Variants in LGR4 observed in about 807,000 individuals in gnomAD.
The protein encoded by LGR4 is leucine rich repeat containing G protein-coupled receptor 4, also known as leucine-rich repeat-containing G protein-coupled receptor 4.
LGR4 carries 44 observed loss-of-function variants against 84.8 expected under a neutral mutation model. The observed-to-expected ratio is 0.52, with a 90% CI of 0.41 to 0.67. The LOEUF (loss-of-function observed/expected upper bound fraction) is 0.67, where lower values mean the gene tolerates loss of function less well. LGR4 is among the 30% of genes least tolerant of loss of function. The pLI is 0.00. For missense variants in LGR4, 1,032 were observed against 1,131.4 expected (o/e 0.91, Z 1.26); for synonymous variants, 429 against 434.3 (o/e 0.99, Z 0.15).
At chr11:27,455,989 A>G (rs1339074418) in intron 1 of LGR4, among the ~76,000 whole-genome samples, 1 of 152,212 alleles carries the variant, frequency 6.6e-6, no homozygotes, top group Non-Finnish European at 1.5e-5. Flanking sequence ...CATTATTATG[A>G]GCATCTAAGT....
In LGR4 at chr11:27,366,942, T is replaced by A. The variant is rs1862775136; in HGVS notation, c.*925A>T. 6.6e-6 allele frequency: 1 copy of A among 152,186 alleles called. No individual in the cohort carries two copies. 9.4% of individuals were successfully genotyped at this position (152,186 alleles called of 1,614,324 possible). A position where few individuals can be genotyped will look rare whatever the true frequency, so the allele number is the denominator to read the frequency against. ...ATGCAAGTATTGACCACAGTTTACT[T>A]TCTATATAATCCAAGCTATTGCTAG... On this transcript the variant is annotated 3_prime_UTR_variant, in exon 18 of 18. Coordinates refer to ENST00000379214, the MANE Select transcript of LGR4 (RefSeq NM_018490.5).
intron 17 of LGR4, 150 bp from the exon 18 acceptor site, chr11:27,369,293 A>G: frequency 1.9e-6 from 1 of 520,458 alleles, no homozygotes; most frequent in Non-Finnish European, 3.1e-6. Flanking sequence ...TAGTTCTAAG[A>G]TATTTTGGTC....
chr11:27,398,106 T>G (rs981195416), intron 2 of LGR4, among the ~76,000 whole-genome samples: 2 of 152,194 alleles, frequency 1.3e-5, no homozygotes, highest in African/African-American at 4.8e-5. Context: ...GGGAAAGCTT[T>G]TTGGAAAGCA....
chr11:27,472,781 T>G lies in LGR4; in HGVS notation c.-479A>C, dbSNP rs1040269639. 9.2e-6 allele frequency: 3 copies of G among 326,298 alleles called. No homozygotes were observed. The highest frequency in any genetic ancestry group is 9.8e-5 in the Admixed American group (2 of 20,370). The allele number at this position is 326,298 out of a possible 1,614,324, so 20.2% of individuals were successfully genotyped here. On this transcript the variant is annotated 5_prime_UTR_variant, in exon 1 of 18. Coordinates refer to ENST00000379214, the MANE Select transcript of LGR4 (RefSeq NM_018490.5). The stretch of plus-strand genomic sequence containing the variant: ...TTCCCGTCCTTTTCCCTTCTAGGGT[T>G]GCACGCTCTGGTTCCCAAACCCCCG...
intron 1 of LGR4, among the ~76,000 whole-genome samples, chr11:27,442,436 T>A (rs1864319291): frequency 6.6e-6 from 1 of 152,198 alleles, no homozygotes; most frequent in Non-Finnish European, 1.5e-5. Flanking sequence ...CGCAAAACTT[T>A]ATTTTGTTTT....
intron 1 of LGR4, among the ~76,000 whole-genome samples, chr11:27,459,066 A>C (rs1441182906): frequency 6.6e-6 from 1 of 152,228 alleles, no homozygotes; most frequent in East Asian, 1.9e-4. Flanking sequence ...TACAAAAGGA[A>C]TCAGTTTTAT....
At chr11:27,471,922 A>C (rs1486132574) in intron 1 of LGR4, 196 bp downstream of exon 1, 2 of 363,026 alleles carry the variant, frequency 5.5e-6, no homozygotes, top group Non-Finnish European at 9.7e-6. Flanking sequence ...AACCCGGACT[A>C]GCAAAGTGCG....
intron 2 of LGR4, among the ~76,000 whole-genome samples, chr11:27,409,498 A>C (rs746147977): frequency 6.6e-6 from 1 of 152,220 alleles, no homozygotes; most frequent in Middle Eastern, 3.4e-3. Flanking sequence ...TCCCAAATAG[A>C]TCAGCTCTCT....
intron 1 of LGR4, 26 bp downstream of exon 1, chr11:27,472,092 C>A (rs779520898): frequency 4.1e-5 from 50 of 1,216,476 alleles, no homozygotes; most frequent in Middle Eastern, 3.1e-4. Context: ...CTCCCCCCCC[C>A]TCGCGTCCCC....
chr11:27,435,347 C>T (rs779230454), intron 1 of LGR4, among the ~76,000 whole-genome samples: 1 of 150,952 alleles, frequency 6.6e-6, no homozygotes, highest in Non-Finnish European at 1.5e-5. Flanking sequence ...AACAAACAAA[C>T]AAACAACAAC....
chr11:27,379,623 CCTAGCTG>C (rs1473030169), intron 10 of LGR4, among the ~76,000 whole-genome samples: 3 of 152,062 alleles, frequency 2.0e-5, no homozygotes, highest in Non-Finnish European at 4.4e-5. Context: ...GGCTAGAGGT[CCTAGCTG>C]CCTCAGGCCC....
intron 2 of LGR4, 138 bp from the exon 3 acceptor site, chr11:27,392,656 T>C (rs1863307072): frequency 1.4e-6 from 1 of 695,386 alleles, no homozygotes; most frequent in South Asian, 2.3e-5. Context: ...AACGTGGACT[T>C]AAACCCTTGC....
chr11:27,455,591 T>TCC (rs1864560112), intron 1 of LGR4, among the ~76,000 whole-genome samples: 1 of 152,240 alleles, frequency 6.6e-6, no homozygotes, highest in African/African-American at 2.4e-5. Flanking sequence ...AGATGACCTT[T>TCC]AAGATCCTTT....
chr11:27,467,427 G>T (rs1864797999), intron 1 of LGR4, among the ~76,000 whole-genome samples: 1 of 151,990 alleles, frequency 6.6e-6, no homozygotes, highest in South Asian at 2.1e-4. Flanking sequence ...AATTAGCCAG[G>T]CATGGTGGCG....
intron 1 of LGR4, among the ~76,000 whole-genome samples, chr11:27,449,250 C>A (rs1864442329): frequency 6.6e-6 from 1 of 150,914 alleles, no homozygotes; most frequent in African/African-American, 2.4e-5. Context: ...TGTATAGTAT[C>A]ATAATAATTA....
chr11:27,383,038 AT>A lies in LGR4; in HGVS notation c.690-783del, dbSNP rs1211109151. On this transcript the variant is annotated intron_variant, in intron 6 of 17. Coordinates refer to ENST00000379214, the MANE Select transcript of LGR4 (RefSeq NM_018490.5). ...CTCAAAAAAAATAAAAAATAAAAAA[AT>A]AAAAAATAATCAGAAGGACCAGGGT... 5.3e-4 allele frequency among the ~76,000 whole-genome samples: 80 copies of A among 152,314 alleles called. 1 individual carries two copies. Among genetic ancestry groups the A allele is most frequent in the African/African-American group, 1.8e-3 (73 of 41,576 alleles).
rs2041576954 is a variant in LGR4, at chr11:27,419,648, A to T, written c.186-6788T>A. Among the ~76,000 whole-genome samples, 5 of 147,976 alleles carry T rather than the reference A, an allele frequency of 3.4e-5. No homozygotes were observed. In the Admixed American group the frequency reaches 3.4e-4, roughly 10 times the overall value. On this transcript the variant is annotated intron_variant, in intron 1 of 17. Coordinates refer to ENST00000379214, the MANE Select transcript of LGR4 (RefSeq NM_018490.5). ...TAATAATATATATAATTATATATAT[A>T]CACATATATATGTGTATATATATCC...
rs570367632 is a variant in LGR4, at chr11:27,412,950, T to C, written c.186-90A>G. ...ACAGAAAACTAACTAGGTGTTACAATTTTGTGAAAGAGCATAGAAGACACA... is the reference window on the plus strand; with the variant it reads ...ACAGAAAACTAACTAGGTGTTACAACTTTGTGAAAGAGCATAGAAGACACA... On this transcript the variant is annotated intron_variant, in intron 1 of 17. Coordinates refer to ENST00000379214, the MANE Select transcript of LGR4 (RefSeq NM_018490.5). 4 of 879,426 alleles carry C rather than the reference T, an allele frequency of 4.5e-6. No homozygotes were observed. In the East Asian group the frequency reaches 9.8e-5, roughly 22 times the overall value. The allele number at this position is 879,426 out of a possible 1,614,324, so 54.5% of individuals were successfully genotyped here.
At chr11:27,395,510 C>G (rs1479164317) in intron 2 of LGR4, among the ~76,000 whole-genome samples, 1 of 152,182 alleles carries the variant, frequency 6.6e-6, no homozygotes, top group African/African-American at 2.4e-5. Context: ...CATGAGAAAA[C>G]TAAAGTCACC....
Sources: gnomAD v4.1 joint callset for allele counts (sites outside exome capture counted in the v4.1 genomes callset) on GRCh38, gnomAD v4.1.1 for gene constraint, MANE v1.5 for transcripts, NCBI Gene and HGNC (gene_info 2026-07-23, HGNC 2026-07-21) for gene names.